The following HLCS variants were observed in gnomAD, a reference collection of about 807,000 sequenced individuals.
The protein encoded by HLCS is holocarboxylase synthetase, also known as biotin--protein ligase.
A neutral mutation model predicts 75.0 loss-of-function variants in HLCS; 53 were observed. The ratio of observed to expected loss-of-function variants is 0.71; its 90% CI spans 0.57 to 0.89. The LOEUF (loss-of-function observed/expected upper bound fraction) is 0.89, where lower values mean the gene tolerates loss of function less well. Ranked by LOEUF, HLCS falls within the 40% of genes least tolerant of loss-of-function variation. The probability of loss-of-function intolerance (pLI) is 0.00; values close to 1 mark genes in which losing one functional copy is unlikely to be tolerated. For synonymous variants in HLCS, 431 were observed against 428.6 expected (o/e 1.01, Z -0.07); for missense variants, 966 against 1,074.0 (o/e 0.90, Z 1.41).
intron 6 of HLCS, among the ~76,000 whole-genome samples, chr21:36,793,812 G>A (rs1398353519): frequency 1.3e-5 from 2 of 152,238 alleles, no homozygotes; most frequent in Non-Finnish European, 2.9e-5. Context: ...GGTCAGGCAT[G>A]TGGCTGCTGG....
At chr21:36,808,442 A>G (rs906668700) in intron 6 of HLCS, among the ~76,000 whole-genome samples, 7 of 152,170 alleles carry the variant, frequency 4.6e-5, no homozygotes, top group African/African-American at 1.2e-4. Flanking sequence ...GGCTTAACAC[A>G]TATTTATTTA....
chr21:36,808,311 A>G (rs182952567), intron 6 of HLCS, among the ~76,000 whole-genome samples: 3 of 152,302 alleles, frequency 2.0e-5, no homozygotes, highest in East Asian at 3.9e-4. Flanking sequence ...TATTATTACA[A>G]CCTAATTTTA....
At chr21:36,821,655 AT>A (rs2146004134) in intron 6 of HLCS, among the ~76,000 whole-genome samples, 1 of 152,352 alleles carries the variant, frequency 6.6e-6, no homozygotes, top group Non-Finnish European at 1.5e-5. Flanking sequence ...CCGCTTAGGA[AT>A]CTCAGTTATG....
intron 6 of HLCS, among the ~76,000 whole-genome samples, chr21:36,796,929 T>G (rs1031229521): frequency 6.6e-6 from 1 of 151,088 alleles, no homozygotes; most frequent in African/African-American, 2.4e-5. Flanking sequence ...TACAGTGGAG[T>G]GATCTCGGCT....
chr21:36,850,473 C>T (rs899398075), intron 6 of HLCS, among the ~76,000 whole-genome samples: 7 of 152,166 alleles, frequency 4.6e-5, no homozygotes, highest in African/African-American at 1.7e-4. Flanking sequence ...GCTCTCTATC[C>T]TGCACCCCCA....
intron 6 of HLCS, among the ~76,000 whole-genome samples, chr21:36,874,419 T>TA (rs2063888075): frequency 6.6e-6 from 1 of 150,562 alleles, no homozygotes; most frequent in Non-Finnish European, 1.5e-5. Context: ...TAAAATAAAA[T>TA]AAAATAAAAT....
chr21:36,770,945 C>T (rs1473135612), intron 6 of HLCS, among the ~76,000 whole-genome samples: 5 of 152,116 alleles, frequency 3.3e-5, no homozygotes, highest in Admixed American at 2.0e-4. Context: ...ATTGGCCGGG[C>T]GTGGTGGTTC....
chr21:36,803,955 A>C (rs1360581527), intron 6 of HLCS: 1 of 152,296 alleles, frequency 6.6e-6, no homozygotes, highest in African/African-American at 2.4e-5. Flanking sequence ...AGGGAGACCG[A>C]ATTCCAGCCA....
chr21:36,960,001 G>C (rs1270203332), intron 2 of HLCS, among the ~76,000 whole-genome samples: 1 of 152,112 alleles, frequency 6.6e-6, no homozygotes, highest in Non-Finnish European at 1.5e-5. Context: ...ACCCTCTTTG[G>C]GGCTCTGCGG....
At chr21:36,963,792 G>C (rs554620451) in intron 1 of HLCS, among the ~76,000 whole-genome samples, 7 of 152,292 alleles carry the variant, frequency 4.6e-5, no homozygotes, top group African/African-American at 1.7e-4. Flanking sequence ...CATAGAATGT[G>C]TACATTAAAC....
intron 6 of HLCS, among the ~76,000 whole-genome samples, chr21:36,805,561 C>A (rs1303551194): frequency 1.3e-5 from 2 of 152,208 alleles, no homozygotes; most frequent in East Asian, 3.8e-4. Flanking sequence ...GACCACTGCA[C>A]CTCGCTCAGA....
At chr21:36,965,460 C>A (rs919637251) in intron 1 of HLCS, among the ~76,000 whole-genome samples, 26 of 152,326 alleles carry the variant, frequency 1.7e-4, no homozygotes, top group African/African-American at 5.3e-4. Context: ...AGGCAGCAGA[C>A]TTTTTACAGA....
chr21:36,945,209 G>GTT (rs947516950), intron 2 of HLCS, among the ~76,000 whole-genome samples: 1 of 150,132 alleles, frequency 6.7e-6, no homozygotes, highest in Non-Finnish European at 1.5e-5. Flanking sequence ...GTGACTACAG[G>GTT]TTTTTTTTTG....
intron 9 of HLCS, among the ~76,000 whole-genome samples, chr21:36,758,319 G>A (rs115405267): frequency 0.015 from 2,290 of 152,134 alleles, 55 homozygotes; most frequent in African/African-American, 0.051. Context: ...TGTCACTCAG[G>A]CTGGTCTCGA....
intron 6 of HLCS, among the ~76,000 whole-genome samples, chr21:36,818,772 A>G (rs1297341436): frequency 6.6e-6 from 1 of 152,136 alleles, no homozygotes; most frequent in Non-Finnish European, 1.5e-5. Context: ...GTACTCAATT[A>G]AGAGATAATT....
chr21:36,795,238 CTG>C (rs1236077651), intron 6 of HLCS, among the ~76,000 whole-genome samples: 1 of 152,156 alleles, frequency 6.6e-6, no homozygotes, highest in African/African-American at 2.4e-5. Flanking sequence ...TGTCATCACA[CTG>C]GAACCGCAAA....
intron 1 of HLCS, among the ~76,000 whole-genome samples, chr21:36,981,254 C>T (rs16994660): frequency 0.12 from 17,552 of 152,182 alleles, 1,661 homozygotes; most frequent in African/African-American, 0.26. Context: ...AAATTTGGCA[C>T]TCCTGATGGG....
rs1269820477 is a variant in HLCS, at chr21:36,936,390, C to T, written c.1437+59G>A. On this transcript the variant is annotated intron_variant, in intron 4 of 10. Transcript: ENST00000674895. ...AGCGTGTACCTTTAAAAGACATATT[C>T]CCTCGCAAAAATACCCACAGATACC... 5 of 1,409,178 alleles carry T rather than the reference C, an allele frequency of 3.5e-6. No individual in the cohort carries two copies. The African/African-American group carries it at 7.0e-5, about 20-fold the overall frequency. The allele number at this position is 1,409,178 out of a possible 1,614,324, so 87.3% of individuals were successfully genotyped here. A position where few individuals can be genotyped will look rare whatever the true frequency, so the allele number is the denominator to read the frequency against.
chr21:36,833,768 G>A (rs1370761428), intron 6 of HLCS, among the ~76,000 whole-genome samples: 1 of 152,030 alleles, frequency 6.6e-6, no homozygotes, highest in Admixed American at 6.6e-5. Flanking sequence ...ACATAAGCAA[G>A]TGGTAAAGGA....
Sources: allele counts gnomAD v4.1 joint callset (sites outside exome capture counted in the v4.1 genomes callset), GRCh38; gene constraint gnomAD v4.1.1; transcripts MANE v1.5; gene names NCBI Gene and HGNC (gene_info 2026-07-23, HGNC 2026-07-21).